Variants in TANC2 observed in about 807,000 individuals in gnomAD.
TANC2 encodes tetratricopeptide repeat, ankyrin repeat and coiled-coil containing 2, also known as protein TANC2.
In TANC2, 26 loss-of-function variants were observed where a neutral mutation model predicts 210.5. That is an observed-to-expected ratio of 0.12 (90% CI 0.09 to 0.17). TANC2 has a LOEUF of 0.17. TANC2 is among the 10% of genes least tolerant of loss of function. The pLI is 1.00. For synonymous variants in TANC2, 931 were observed against 967.1 expected (o/e 0.96, Z 0.69); for missense variants, 2,129 against 2,608.9 (o/e 0.82, Z 4.01).
chr17:63,231,977 C>A (rs1490729849), intron 7 of TANC2, among the ~76,000 whole-genome samples: 1 of 152,138 alleles, frequency 6.6e-6, no homozygotes, highest in Admixed American at 6.6e-5. Flanking sequence ...TTTCTCTAAT[C>A]TTTTCTGCCT....
rs75945663 is a variant in TANC2 at position 63,191,562 on chromosome 17, A to G, written c.434-2429A>G. Among the ~76,000 whole-genome samples the G allele has an allele frequency of 8.0e-4, 122 of 152,030 alleles. 2 individuals are homozygous for G. In the East Asian group the frequency reaches 0.022, roughly 27 times the overall value. On this transcript the variant is annotated intron_variant, in intron 5 of 27. Transcript: ENST00000689528. ...ACTGCTACCTCGGCCTCCTGGGTTC[A>G]AGCAGTTCTCCTGCCTCAGTCTCCT...
chr17:63,072,836 C>G (rs1285372602), intron 2 of TANC2, among the ~76,000 whole-genome samples: 4 of 152,002 alleles, frequency 2.6e-5, no homozygotes, highest in Non-Finnish European at 5.9e-5. Flanking sequence ...TTAATTATTG[C>G]TAGGCCTTAC....
chr17:63,141,046 G>C (rs2039271223), intron 4 of TANC2, among the ~76,000 whole-genome samples: 1 of 151,864 alleles, frequency 6.6e-6, no homozygotes, highest in Non-Finnish European at 1.5e-5. Flanking sequence ...CACCATGCCT[G>C]CCCAGGAAGA....
intron 8 of TANC2, among the ~76,000 whole-genome samples, chr17:63,263,118 G>T (rs1337897635): frequency 2.0e-5 from 3 of 152,124 alleles, no homozygotes; most frequent in Non-Finnish European, 2.9e-5. Flanking sequence ...TAAAGCGTGT[G>T]TATTGTTAAG....
rs551508786 is a variant in TANC2, at chr17:63,217,096, A to G, written c.769+16139A>G. 1.5e-4 allele frequency among the ~76,000 whole-genome samples: 23 copies of G among 152,366 alleles called. No homozygotes were observed. In the South Asian group the frequency reaches 4.8e-3, roughly 32 times the overall value. ...AAGAGCTTAGGAGGAAATTTATAGC[A>G]TTAAGAGCTTTTTTTAGAAAGCAAG... On this transcript the variant is annotated intron_variant, in intron 7 of 27. Coordinates refer to ENST00000689528, the Ensembl canonical transcript of TANC2.
In TANC2 at chr17:63,379,626, G is replaced by A. The variant is rs537740411; in HGVS notation, c.2583-92G>A. 2,045 of 959,580 alleles carry A rather than the reference G, an allele frequency of 2.1e-3. 11 individuals are homozygous for A. Among genetic ancestry groups the A allele is most frequent in the Middle Eastern group, 1.0e-2 (30 of 3,008 alleles). The allele number at this position is 959,580 out of a possible 1,614,324, so 59.4% of individuals were successfully genotyped here. The stretch of plus-strand genomic sequence containing the variant: ...GGAGGCTGCAGTGAGCCGAGATTGC[G>A]CCACCGCACTCTAGTCTGGGCAACA... On this transcript the variant is annotated intron_variant, in intron 14 of 27. Transcript: ENST00000689528.
At chr17:63,271,029 G>A (rs561432403) in intron 9 of TANC2, among the ~76,000 whole-genome samples, 106 of 152,056 alleles carry the variant, frequency 7.0e-4, no homozygotes, top group Non-Finnish European at 1.1e-3. Context: ...GGTATTCCAT[G>A]GTGTGTATGT....
intron 4 of TANC2, among the ~76,000 whole-genome samples, chr17:63,123,986 C>T (rs2038604286): frequency 1.3e-5 from 2 of 152,076 alleles, no homozygotes; most frequent in South Asian, 2.1e-4. Context: ...CAGGCATGAG[C>T]CACAGCGCCC....
chr17:63,309,134 C>T (rs926222998), intron 9 of TANC2, among the ~76,000 whole-genome samples: 1 of 151,920 alleles, frequency 6.6e-6, no homozygotes, highest in Non-Finnish European at 1.5e-5. Flanking sequence ...ACTAAATCAC[C>T]TTTACTAACA....
At chr17:63,220,703 CAAAAAAA>C (rs373846699) in intron 7 of TANC2, among the ~76,000 whole-genome samples, 85 of 91,868 alleles carry the variant, frequency 9.3e-4, no homozygotes, top group South Asian at 2.0e-3. Flanking sequence ...GAATCAGTCT[CAAAAAAA>C]AAAAAAAAAA....
intron 14 of TANC2, among the ~76,000 whole-genome samples, chr17:63,370,078 A>G (rs1232730554): frequency 1.3e-5 from 2 of 152,026 alleles, no homozygotes; most frequent in African/African-American, 4.8e-5. Flanking sequence ...TGATGTCCCA[A>G]CTAGTATCCC....
At chr17:63,374,807 A>G (rs979138859) in intron 14 of TANC2, among the ~76,000 whole-genome samples, 1 of 152,234 alleles carries the variant, frequency 6.6e-6, no homozygotes, top group Non-Finnish European at 1.5e-5. Flanking sequence ...TAAATTTTAT[A>G]TCAGAGGGAA....
At chr17:63,136,697 G>A (rs1165859859) in intron 4 of TANC2, among the ~76,000 whole-genome samples, 3 of 152,094 alleles carry the variant, frequency 2.0e-5, no homozygotes, top group East Asian at 3.9e-4. Context: ...TACCAGTAAC[G>A]GACTTGCCTT....
chr17:63,194,368 A>T (rs758555673), intron 6 of TANC2, among the ~76,000 whole-genome samples: 3 of 152,226 alleles, frequency 2.0e-5, no homozygotes, highest in Admixed American at 6.5e-5. Context: ...GAGCAAGCCA[A>T]CAAATAAAAT....
At chr17:63,302,887 C>G (rs2044768438) in intron 9 of TANC2, among the ~76,000 whole-genome samples, 1 of 151,946 alleles carries the variant, frequency 6.6e-6, no homozygotes, top group African/African-American at 2.4e-5. Flanking sequence ...CCTCAGCCCC[C>G]CTAGTAGCTA....
chr17:63,085,567 CAGGTAGT>C (rs1450163874), intron 3 of TANC2, among the ~76,000 whole-genome samples: 1 of 151,992 alleles, frequency 6.6e-6, no homozygotes, highest in African/African-American at 2.4e-5. Context: ...TACTATTTCA[CAGGTAGT>C]ACAGATACTG....
chr17:63,195,260 A>C (rs752642965), intron 6 of TANC2, among the ~76,000 whole-genome samples: 1 of 152,102 alleles, frequency 6.6e-6, no homozygotes, highest in African/African-American at 2.4e-5. Context: ...TTCCCACATT[A>C]TATTTTCTAC....
intron 3 of TANC2, among the ~76,000 whole-genome samples, chr17:63,098,431 T>TACACACACACAC (rs67245738): frequency 3.2e-5 from 3 of 93,318 alleles, no homozygotes; most frequent in Non-Finnish European, 5.9e-5. Flanking sequence ...GGCCTTAGAC[T>TACACACACACAC]ACACACACAC....
At chr17:63,290,155 C>G (rs2044342541) in intron 9 of TANC2, among the ~76,000 whole-genome samples, 1 of 152,134 alleles carries the variant, frequency 6.6e-6, no homozygotes, top group Non-Finnish European at 1.5e-5. Context: ...CTGCTAGAAG[C>G]TTGAGGGGAT....
Sources: gnomAD v4.1 joint callset for allele counts (sites outside exome capture counted in the v4.1 genomes callset) on GRCh38, gnomAD v4.1.1 for gene constraint, MANE v1.5 for transcripts, NCBI Gene and HGNC (gene_info 2026-07-23, HGNC 2026-07-21) for gene names.